The following TRHDE variants were observed in gnomAD, a reference collection of about 807,000 sequenced individuals.
The protein encoded by TRHDE is thyrotropin releasing hormone degrading enzyme, also known as thyrotropin-releasing hormone-degrading ectoenzyme.
TRHDE carries 72 observed loss-of-function variants against 125.7 expected under a neutral mutation model. That is an observed-to-expected ratio of 0.57 (90% CI 0.47 to 0.70). The LOEUF (loss-of-function observed/expected upper bound fraction) is 0.70. TRHDE is among the 30% of genes least tolerant of loss of function. The pLI is 0.00. For synonymous variants in TRHDE, 509 were observed against 509.1 expected, an observed-to-expected ratio of 1.00 and a Z score of 0.00; for missense variants, 1,110 against 1,327.1, an observed-to-expected ratio of 0.84 and a Z score of 2.54.
intron 2 of TRHDE, among the ~76,000 whole-genome samples, chr12:72,349,119 ACCG>A (rs1341661235): frequency 6.6e-6 from 1 of 152,024 alleles, no homozygotes; most frequent in Admixed American, 6.6e-5. Flanking sequence ...TGGATTTTAT[ACCG>A]TAGTTGTAAT....
chr12:72,627,067 T>C (rs1399578614), intron 15 of TRHDE, among the ~76,000 whole-genome samples: 1 of 151,942 alleles, frequency 6.6e-6, no homozygotes, highest in Non-Finnish European at 1.5e-5. Context: ...GGAGTTTGTA[T>C]GGAATAGCAA....
At chr12:72,637,422 C>T (rs1873811284) in intron 15 of TRHDE, among the ~76,000 whole-genome samples, 1 of 152,178 alleles carries the variant, frequency 6.6e-6, no homozygotes, top group East Asian at 1.9e-4. Context: ...TGCTAGCGGT[C>T]TATCAATTTT....
rs1877579262 is a variant in TRHDE at position 72,202,467 on chromosome 12, A to G, written n.279+96715A>G. ...GTAATTAATATAGCTTAGAAAGTCAAACACTATTTTCCTATTTCTACTGTG... is the reference window on the plus strand; with the variant it reads ...GTAATTAATATAGCTTAGAAAGTCAGACACTATTTTCCTATTTCTACTGTG... On this transcript the variant is annotated intron_variant and non_coding_transcript_variant, in intron 2 of 4. Transcript: ENST00000548156. Among the ~76,000 whole-genome samples, 3 of 152,218 alleles carry G rather than the reference A, an allele frequency of 2.0e-5. No individual in the cohort carries two copies. In the South Asian group the frequency reaches 6.2e-4, roughly 32 times the overall value.
intron 5 of TRHDE, among the ~76,000 whole-genome samples, chr12:72,474,666 T>C (rs1435816478): frequency 6.6e-6 from 1 of 152,178 alleles, no homozygotes; most frequent in Admixed American, 6.5e-5. Context: ...CATTCATCTG[T>C]CAGTGGATCG....
At chr12:72,137,721 T>C (rs1334008574) in intron 2 of TRHDE, 1 of 152,202 alleles carries the variant, frequency 6.6e-6, no homozygotes, top group Non-Finnish European at 1.5e-5. Flanking sequence ...AGAATTAGGA[T>C]TGTGATAGCA....
chr12:72,642,830 G>A (rs1874120466), intron 15 of TRHDE, among the ~76,000 whole-genome samples: 1 of 152,136 alleles, frequency 6.6e-6, no homozygotes, highest in African/African-American at 2.4e-5. Context: ...ATAACTGTGG[G>A]TTCTGTGGGG....
upstream of TRHDE, among the ~76,000 whole-genome samples, chr12:72,268,619 G>A (rs922530883): frequency 1.3e-5 from 2 of 152,016 alleles, no homozygotes; most frequent in African/African-American, 2.4e-5. Context: ...CTGAGTACCC[G>A]AGGACACCTA....
chr12:72,670,677 T>C lies in TRHDE; in HGVS notation c.*7482T>C, dbSNP rs1875225151. On this transcript the variant is annotated 3_prime_UTR_variant, in exon 19 of 19. Coordinates refer to ENST00000261180, the MANE Select transcript of TRHDE (RefSeq NM_013381.3). Reference sequence around the variant, plus strand: ...ATGCTGAGGCTAGAATAAAAACATATATTTGTGCTATATTGTAAAAATAAA... The same window carrying C: ...ATGCTGAGGCTAGAATAAAAACATACATTTGTGCTATATTGTAAAAATAAA... 1 of 151,792 alleles carries C rather than the reference T, an allele frequency of 6.6e-6. No individual in the cohort carries two copies. The highest frequency in any genetic ancestry group is 2.1e-4 in the South Asian group (1 of 4,828). The allele number at this position is 151,792 out of a possible 1,614,324, so 9.4% of individuals were successfully genotyped here.
At chr12:72,452,515 C>G (rs961720974) in intron 3 of TRHDE, among the ~76,000 whole-genome samples, 19 of 152,084 alleles carry the variant, frequency 1.2e-4, no homozygotes, top group African/African-American at 4.1e-4. Context: ...TTGTCTTGTT[C>G]TGGATTTCAG....
upstream of TRHDE, among the ~76,000 whole-genome samples, chr12:72,268,230 A>C (rs529324318): frequency 6.6e-6 from 1 of 152,186 alleles, no homozygotes; most frequent in Admixed American, 6.5e-5. Context: ...ACATCAGTCT[A>C]GTTTTGACTG....
intron 15 of TRHDE, among the ~76,000 whole-genome samples, chr12:72,634,028 A>AT (rs1384284159): frequency 6.6e-5 from 10 of 151,968 alleles, no homozygotes; most frequent in African/African-American, 2.4e-4. Context: ...AGAACTGGGC[A>AT]GTGCACATTG....
At chr12:72,482,700 T>TTTA (rs1424735587) in intron 5 of TRHDE, among the ~76,000 whole-genome samples, 1 of 151,948 alleles carries the variant, frequency 6.6e-6, no homozygotes, top group Non-Finnish European at 1.5e-5. Flanking sequence ...CTAAATATTG[T>TTTA]TTATTTTATA....
chr12:72,157,943 T>C (rs1876553952), intron 2 of TRHDE, among the ~76,000 whole-genome samples: 1 of 151,584 alleles, frequency 6.6e-6, no homozygotes, highest in South Asian at 2.1e-4. Flanking sequence ...AGGCAAGAGG[T>C]AGGAGAAAGG....
At position 72,470,863 on chromosome 12, in the gene TRHDE, C is replaced by CTTTTTTTTTT. The variant is rs768937293; in HGVS notation, c.1470+973_1470+982dup. 7.4e-5 allele frequency among the ~76,000 whole-genome samples: 5 copies of CTTTTTTTTTT among 67,938 alleles called. 1 individual carries two copies. Among genetic ancestry groups the CTTTTTTTTTT allele is most frequent in the Non-Finnish European group, 1.3e-4 (5 of 37,494 alleles). 44.6% of individuals were successfully genotyped at this position (67,938 alleles called of 152,430 possible). On this transcript the variant is annotated intron_variant, in intron 4 of 18. Transcript: ENST00000261180. ...GACGACCGTTCTATGTAAATGTCAGCTTTTTTTTTTTTTTTTTTTTTTTTT... is the reference window on the plus strand; with the variant it reads ...GACGACCGTTCTATGTAAATGTCAGCTTTTTTTTTTTTTTTTTTTTTTTTTTTTTTTTTTT...
At chr12:72,154,490 C>T (rs751566970) in intron 2 of TRHDE, among the ~76,000 whole-genome samples, 9 of 152,148 alleles carry the variant, frequency 5.9e-5, no homozygotes, top group African/African-American at 9.7e-5. Context: ...TTCCTAGCCT[C>T]GATGGTCTTT....
chr12:72,361,884 A>G (rs1871104233), intron 2 of TRHDE, among the ~76,000 whole-genome samples: 1 of 50,024 alleles, frequency 2.0e-5, no homozygotes, highest in Non-Finnish European at 3.8e-5. Context: ...CCTACAAAGG[A>G]CATGAACTCA....
chr12:72,281,914 T>G (rs1294494190), intron 1 of TRHDE, among the ~76,000 whole-genome samples: 1 of 152,226 alleles, frequency 6.6e-6, no homozygotes, highest in African/African-American at 2.4e-5. Context: ...AGAGGCAACA[T>G]GGAGCTTTAA....
chr12:72,167,934 C>T (rs1876788812), intron 2 of TRHDE, among the ~76,000 whole-genome samples: 1 of 152,160 alleles, frequency 6.6e-6, no homozygotes, highest in African/African-American at 2.4e-5. Context: ...GAAGACGAAA[C>T]TATCAACTGG....
intron 3 of TRHDE, among the ~76,000 whole-genome samples, chr12:72,397,804 G>T (rs1872861946): frequency 6.6e-6 from 1 of 151,714 alleles, no homozygotes; most frequent in Non-Finnish European, 1.5e-5. Flanking sequence ...GAACCTTTTT[G>T]GCATTTTTTA....
Sources: gnomAD v4.1 joint callset for allele counts (sites outside exome capture counted in the v4.1 genomes callset) on GRCh38, gnomAD v4.1.1 for gene constraint, MANE v1.5 for transcripts, NCBI Gene and HGNC (gene_info 2026-07-23, HGNC 2026-07-21) for gene names.